SLC6A6: variants seen among roughly 807,000 people sequenced by gnomAD.
The protein encoded by SLC6A6 is solute carrier family 6 member 6.
A neutral mutation model predicts 68.8 loss-of-function variants in SLC6A6; 16 were observed. The ratio of observed to expected loss-of-function variants is 0.23; its 90% CI spans 0.16 to 0.35. The LOEUF is 0.35. SLC6A6 is among the 10% of genes least tolerant of loss of function. The pLI, the probability that SLC6A6 is intolerant of heterozygous loss-of-function variation, is 1.00. For synonymous variants in SLC6A6, 312 were observed against 315.4 expected (o/e 0.99, Z 0.12); for missense variants, 474 against 802.8 (o/e 0.59, Z 4.95).
Position 14,468,292 on chromosome 3 carries a change from C to T in SLC6A6, c.1096+80C>T. The T allele has an allele frequency of 7.6e-7, 1 of 1,317,190 alleles. No homozygotes were observed. Among genetic ancestry groups the T allele is most frequent in the Non-Finnish European group, 1.0e-6 (1 of 970,972 alleles). The allele number at this position is 1,317,190 out of a possible 1,614,324, so 81.6% of individuals were successfully genotyped here. A position where few individuals can be genotyped will look rare whatever the true frequency, so the allele number is the denominator to read the frequency against. The stretch of plus-strand genomic sequence containing the variant: ...AAGTACTGCAGGCATGAAGCCAGAC[C>T]CCAGGGGGCTTTGAGGGGGGACGAG... On this transcript the variant is annotated intron_variant, in intron 9 of 14. Transcript: ENST00000622186. The surrounding 1 kb of genome is among the most constrained non-coding windows in gnomAD (Gnocchi z 4.5).
chr3:14,488,735 A>G lies in SLC6A6; in HGVS notation c.*3728A>G, dbSNP rs1442334238. On this transcript the variant is annotated 3_prime_UTR_variant, in exon 15 of 15. Coordinates refer to ENST00000622186, the MANE Select transcript of SLC6A6 (RefSeq NM_003043.6). ...TGTAGAGGTGGGCAGTCCAGAAAGC[A>G]GGGGGCAGCCCTCCCCCTTTCCTTC... 1 of 152,556 alleles carries G rather than the reference A, an allele frequency of 6.6e-6. No individual in the cohort carries two copies. Among genetic ancestry groups the G allele is most frequent in the African/African-American group, 2.4e-5 (1 of 41,454 alleles). 9.5% of individuals were successfully genotyped at this position (152,556 alleles called of 1,614,324 possible).
At chr3:14,408,492 G>A (rs1699160068) in intron 1 of SLC6A6, among the ~76,000 whole-genome samples, 1 of 152,016 alleles carries the variant, frequency 6.6e-6, no homozygotes, top group Non-Finnish European at 1.5e-5. Context: ...GTGCCATTAT[G>A]CCTGGCTAAT....
chr3:14,480,399 G>A (rs76413708), intron 13 of SLC6A6, among the ~76,000 whole-genome samples: 120 of 152,284 alleles, frequency 7.9e-4, no homozygotes, highest in African/African-American at 2.8e-3. Flanking sequence ...AGCTGGATAC[G>A]TCAGAGATAG....
intron 2 of SLC6A6, among the ~76,000 whole-genome samples, chr3:14,427,428 G>C (rs1001330713): frequency 6.6e-6 from 1 of 152,216 alleles, no homozygotes; most frequent in African/African-American, 2.4e-5. Context: ...GCTGGGGTTT[G>C]AGCCCCATCA....
chr3:14,445,223 A>T (rs185294927), intron 3 of SLC6A6, among the ~76,000 whole-genome samples: 23 of 151,772 alleles, frequency 1.5e-4, no homozygotes, highest in African/African-American at 5.6e-4. Context: ...GAGATTGAGA[A>T]CATCCTGACT....
At chr3:14,480,787 C>T (rs1334523778) in intron 13 of SLC6A6, among the ~76,000 whole-genome samples, 2 of 152,236 alleles carry the variant, frequency 1.3e-5, no homozygotes, top group Admixed American at 6.5e-5. Context: ...GCAGAAGCCC[C>T]GGGAGCCCCG....
At chr3:14,418,058 C>G (rs1488657249) in intron 2 of SLC6A6, among the ~76,000 whole-genome samples, 2 of 152,212 alleles carry the variant, frequency 1.3e-5, no homozygotes, top group African/African-American at 4.8e-5. Context: ...TACACAAACA[C>G]ACACGTCAAA....
intron 2 of SLC6A6, among the ~76,000 whole-genome samples, chr3:14,425,289 A>G (rs1254723325): frequency 6.6e-6 from 1 of 152,188 alleles, no homozygotes; most frequent in Admixed American, 6.5e-5. Flanking sequence ...GGTTCCAACT[A>G]AAACATAGGT....
chr3:14,414,446 C>T (rs184211518), intron 1 of SLC6A6, among the ~76,000 whole-genome samples: 44 of 152,252 alleles, frequency 2.9e-4, no homozygotes, highest in African/African-American at 1.0e-3. Flanking sequence ...TGGGTCTCCT[C>T]CTGGAACAGG....
At chr3:14,456,704 G>C (rs544315835) in intron 5 of SLC6A6, among the ~76,000 whole-genome samples, 1 of 152,326 alleles carries the variant, frequency 6.6e-6, no homozygotes, top group Admixed American at 6.5e-5. Context: ...TCCTGGGCAG[G>C]AGCTGTTATT....
At chr3:14,458,603 A>G (rs1166872163) in intron 6 of SLC6A6, among the ~76,000 whole-genome samples, 1 of 152,212 alleles carries the variant, frequency 6.6e-6, no homozygotes, top group African/African-American at 2.4e-5. Context: ...CAAACCTACA[A>G]ACTCCAAGGC....
intron 1 of SLC6A6, among the ~76,000 whole-genome samples, chr3:14,409,265 C>G (rs527368565): frequency 6.6e-6 from 1 of 152,220 alleles, no homozygotes; most frequent in Non-Finnish European, 1.5e-5. Context: ...ACTGACTTTG[C>G]GTGTCCTGTC....
In SLC6A6 at chr3:14,458,026, T is replaced by C; in HGVS notation, c.676T>C (p.Leu226=). ...ATGGGACCTCGCTCTCTGCCTTCTT[T>C]TAGTCTGGCTAGTGTGTTTCTTCTG... ...LKWDLALCLL[L]VWLVCFFCIW... is the part of the protein sequence containing the mutation. The change falls in exon 6 of 15, where the codon TTA becomes CTA. Residue 226 remains leucine, a synonymous_variant. Transcript: ENST00000622186. 1 of 1,613,962 alleles carries C rather than the reference T, an allele frequency of 6.2e-7. No individual in the cohort carries two copies. Among genetic ancestry groups the C allele is most frequent in the Non-Finnish European group, 8.5e-7 (1 of 1,179,838 alleles).
chr3:14,484,825 C>T, intron 14 of SLC6A6, 42 bp from the exon 15 acceptor site: 1 of 1,600,996 alleles, frequency 6.2e-7, no homozygotes, highest in South Asian at 1.1e-5. Context: ...GGAGACCAGG[C>T]CGCCTGACGT....
At chr3:14,414,270 G>A (rs189268287) in intron 1 of SLC6A6, among the ~76,000 whole-genome samples, 10 of 152,098 alleles carry the variant, frequency 6.6e-5, no homozygotes, top group Non-Finnish European at 1.2e-4. Flanking sequence ...AATATTTTTG[G>A]CAAAAGTCCT....
Position 14,407,725 on chromosome 3 carries a change from C to G in SLC6A6, c.-54+4878C>G, listed in dbSNP as rs371237426. Among the ~76,000 whole-genome samples, 25 of 152,240 alleles carry G rather than the reference C, an allele frequency of 1.6e-4. No individual in the cohort carries two copies. The South Asian group carries it at 3.3e-3, about 20-fold the overall frequency. On this transcript the variant is annotated intron_variant, in intron 1 of 14. Coordinates refer to ENST00000622186, the MANE Select transcript of SLC6A6 (RefSeq NM_003043.6). ...TTTTGCTGTGTTGCCAGGCTGGTGT[C>G]AAACTACTAGGCTTAAACGATCCAC...
At chr3:14,412,121 T>C (rs988980070) in intron 1 of SLC6A6, among the ~76,000 whole-genome samples, 2 of 152,176 alleles carry the variant, frequency 1.3e-5, no homozygotes, top group African/African-American at 2.4e-5. Flanking sequence ...TTCTATCCAT[T>C]GTGGAAGCGC....
intron 2 of SLC6A6, among the ~76,000 whole-genome samples, chr3:14,426,271 G>C (rs1430862748): frequency 6.6e-6 from 1 of 152,124 alleles, no homozygotes. Flanking sequence ...GTGCAACCTC[G>C]GTCAAGTCGC....
At chr3:14,446,966 CT>C (rs1700136440) in intron 4 of SLC6A6, among the ~76,000 whole-genome samples, 2 of 152,168 alleles carry the variant, frequency 1.3e-5, no homozygotes, top group Non-Finnish European at 2.9e-5. Flanking sequence ...CATTAAACCA[CT>C]CAGTAATTAG....
Sources: allele counts gnomAD v4.1 joint callset (sites outside exome capture counted in the v4.1 genomes callset), GRCh38; gene constraint gnomAD v4.1.1; non-coding constraint Gnocchi (gnomAD v3.1); transcripts MANE v1.5; gene names NCBI Gene and HGNC (gene_info 2026-07-23, HGNC 2026-07-21).